Variants in KLF13 observed in about 807,000 individuals in gnomAD.
KLF13 encodes the protein KLF transcription factor 13.
KLF13 carries 8 observed loss-of-function variants against 16.7 expected under a neutral mutation model. The observed-to-expected ratio is 0.48, with a 90% CI of 0.28 to 0.87. The LOEUF is 0.87. Ranked by LOEUF, KLF13 falls within the 40% of genes least tolerant of loss-of-function variation. The pLI is 0.10. For synonymous variants in KLF13, 245 were observed against 208.4 expected (o/e 1.18, Z -1.51); for missense variants, 447 against 452.2 (o/e 0.99, Z 0.10).
intron 1 of KLF13, among the ~76,000 whole-genome samples, chr15:31,420,880 A>G (rs2040314398): frequency 6.6e-6 from 1 of 151,824 alleles, no homozygotes; most frequent in Non-Finnish European, 1.5e-5. Context: ...TTTAGTAGAG[A>G]CAAGGTTTCA....
rs759056595 is a variant in KLF13 at position 31,328,913 on chromosome 15, GTTGTC to G, written c.577+1129_577+1133del. On this transcript the variant is annotated intron_variant, in intron 1 of 1. Transcript: ENST00000307145. ...GCTCAAAACCCGTCTACTGAATACT[GTTGTC>G]TTGTGACCAAGGGTGGTGGTCTCTC... 3.7e-4 allele frequency among the ~76,000 whole-genome samples: 57 copies of G among 152,278 alleles called. 1 individual carries two copies. Among genetic ancestry groups the G allele is most frequent in the Admixed American group, 1.8e-3 (27 of 15,304 alleles).
At chr15:31,402,873 A>ACTT (rs1453337728) in intron 2 of KLF13, among the ~76,000 whole-genome samples, 1 of 95,492 alleles carries the variant, frequency 1.0e-5, no homozygotes, top group African/African-American at 3.1e-5. Context: ...GAAAAAAAAA[A>ACTT]CAACTTTTAA....
At chr15:31,397,598 C>T (rs2039971897) in intron 2 of KLF13, among the ~76,000 whole-genome samples, 2 of 152,234 alleles carry the variant, frequency 1.3e-5, no homozygotes, top group Admixed American at 6.5e-5. Context: ...CTAGCAGCTG[C>T]TAGCAAGTCC....
downstream of KLF13, among the ~76,000 whole-genome samples, chr15:31,381,564 C>G (rs1019251848): frequency 2.0e-5 from 3 of 152,192 alleles, no homozygotes; most frequent in African/African-American, 7.2e-5. Context: ...TCCACCCCAG[C>G]CTTCATGTCC....
chr15:31,373,730 C>T lies in KLF13; in HGVS notation c.*1431C>T, dbSNP rs1595481573. On this transcript the variant is annotated 3_prime_UTR_variant, in exon 2 of 2. Coordinates refer to ENST00000307145, the MANE Select transcript of KLF13 (RefSeq NM_015995.4). The stretch of plus-strand genomic sequence containing the variant: ...GGGGGTCAGTCAAGCCGTGGTCCAG[C>T]AAACTCCTCTGCAGATGGCTGGAGT... The T allele has an allele frequency of 6.6e-6, 1 of 152,226 alleles. No individual in the cohort carries two copies. The highest frequency in any genetic ancestry group is 1.5e-5 in the Non-Finnish European group (1 of 68,062). The allele number at this position is 152,226 out of a possible 1,614,324, so 9.4% of individuals were successfully genotyped here. A position where few individuals can be genotyped will look rare whatever the true frequency, so the allele number is the denominator to read the frequency against.
intron 1 of KLF13, among the ~76,000 whole-genome samples, chr15:31,337,354 G>A (rs184849680): frequency 1.6e-3 from 250 of 152,360 alleles, no homozygotes; most frequent in African/African-American, 5.5e-3. Context: ...ACAGCAGCAC[G>A]TTAGGACCCA....
Position 31,375,750 on chromosome 15 carries a change from A to C in KLF13, c.*3451A>C, listed in dbSNP as rs149401012. On this transcript the variant is annotated 3_prime_UTR_variant, in exon 2 of 2. Transcript: ENST00000307145. ...ACAGACGGACACAGCCCTTTCCTTA[A>C]AGAGCCCTGGGGTCCTGTCCTGCAG... The C allele has an allele frequency of 6.6e-6, 1 of 152,184 alleles. No homozygotes were observed. The highest frequency in any genetic ancestry group is 1.9e-4 in the East Asian group (1 of 5,198). 9.4% of individuals were successfully genotyped at this position (152,184 alleles called of 1,614,324 possible).
At chr15:31,390,372 A>G (rs2039846290), upstream of KLF13, among the ~76,000 whole-genome samples, 1 of 152,316 alleles carries the variant, frequency 6.6e-6, no homozygotes, top group South Asian at 2.1e-4. Context: ...GAGGTCTAAC[A>G]GTATCTTTTT....
At chr15:31,422,485 T>A (rs1431327889) in intron 1 of KLF13, among the ~76,000 whole-genome samples, 2 of 144,198 alleles carry the variant, frequency 1.4e-5, no homozygotes, top group Non-Finnish European at 3.0e-5. Context: ...CATGAGAATA[T>A]GGGGGAAACC....
intron 1 of KLF13, among the ~76,000 whole-genome samples, chr15:31,330,670 T>C (rs933294816): frequency 6.6e-6 from 1 of 152,264 alleles, no homozygotes; most frequent in Non-Finnish European, 1.5e-5. Flanking sequence ...CCTGGTTAGC[T>C]GTGTAGCAGT....
downstream of KLF13, among the ~76,000 whole-genome samples, chr15:31,380,720 A>G (rs1321126692): frequency 6.6e-6 from 1 of 152,216 alleles, no homozygotes; most frequent in Non-Finnish European, 1.5e-5. Context: ...AAAGTCTCCT[A>G]CGTGGAAAGC....
rs190319034 is a variant in KLF13, at chr15:31,349,378, G to C, written c.577+21589G>C. Among the ~76,000 whole-genome samples, 607 of 152,374 alleles carry C rather than the reference G, an allele frequency of 4.0e-3. 3 individuals carry two copies. The highest frequency in any genetic ancestry group is 6.1e-3 in the Non-Finnish European group (412 of 68,034). On this transcript the variant is annotated intron_variant, in intron 1 of 1. Coordinates refer to ENST00000307145, the MANE Select transcript of KLF13 (RefSeq NM_015995.4). ...AGTGTGGGATGGACCAATGCCCGCTGGGCCACATGGGAGGCGGGTGCCCTG... is the reference window on the plus strand; with the variant it reads ...AGTGTGGGATGGACCAATGCCCGCTCGGCCACATGGGAGGCGGGTGCCCTG...
intron 1 of KLF13, among the ~76,000 whole-genome samples, chr15:31,425,187 A>G (rs1405961989): frequency 2.6e-5 from 4 of 152,206 alleles, no homozygotes; most frequent in Non-Finnish European, 4.4e-5. Flanking sequence ...AGAAGACTCA[A>G]TGCTGTTAAA....
At chr15:31,339,827 G>C in intron 1 of KLF13, 1 of 645,544 alleles carries the variant, frequency 1.5e-6, no homozygotes, top group South Asian at 1.6e-5. Context: ...CCCCCCGCCT[G>C]CTGTCTCGTG....
chr15:31,361,293 T>C (rs957991417), intron 1 of KLF13, among the ~76,000 whole-genome samples: 1 of 152,040 alleles, frequency 6.6e-6, no homozygotes, highest in African/African-American at 2.4e-5. Flanking sequence ...TGAGAATGTC[T>C]TTCTTCCCGG....
chr15:31,389,616 T>TTG (rs1453730066), upstream of KLF13, among the ~76,000 whole-genome samples: 1 of 152,226 alleles, frequency 6.6e-6, no homozygotes, highest in Non-Finnish European at 1.5e-5. Flanking sequence ...GTCTGCATCT[T>TTG]GACTCCCCTT....
chr15:31,362,667 A>G (rs2039407409), intron 1 of KLF13, among the ~76,000 whole-genome samples: 1 of 152,192 alleles, frequency 6.6e-6, no homozygotes, highest in Non-Finnish European at 1.5e-5. Flanking sequence ...AATCTAAAAG[A>G]TTTAAGTAGT....
At chr15:31,392,514 C>T (rs908858521), upstream of KLF13, among the ~76,000 whole-genome samples, 1 of 152,180 alleles carries the variant, frequency 6.6e-6, no homozygotes, top group Non-Finnish European at 1.5e-5. Flanking sequence ...CTCCTCAGGA[C>T]CCTGACGGCG....
intron 1 of KLF13, among the ~76,000 whole-genome samples, chr15:31,427,806 G>A (rs1297140711): frequency 6.6e-6 from 1 of 152,140 alleles, no homozygotes; most frequent in Non-Finnish European, 1.5e-5. Flanking sequence ...ATGTCTTACA[G>A]GGCCCAGGCA....
Sources: gnomAD v4.1 joint callset for allele counts (sites outside exome capture counted in the v4.1 genomes callset) on GRCh38, gnomAD v4.1.1 for gene constraint, MANE v1.5 for transcripts, NCBI Gene and HGNC (gene_info 2026-07-23, HGNC 2026-07-21) for gene names.